ALDH2: variants seen among roughly 807,000 people sequenced by gnomAD.
The protein encoded by ALDH2 is aldehyde dehydrogenase 2 family member, also known as aldehyde dehydrogenase, mitochondrial.
In ALDH2, 44 loss-of-function variants were observed where a neutral mutation model predicts 59.6. That is an observed-to-expected ratio of 0.74 (90% CI 0.58 to 0.95). The LOEUF (loss-of-function observed/expected upper bound fraction) is 0.95, where lower values mean the gene tolerates loss of function less well. Ranked by LOEUF, ALDH2 falls within the 40% of genes least tolerant of loss-of-function variation. The pLI is 0.00. For missense variants in ALDH2, 570 were observed against 696.3 expected (o/e 0.82, Z 2.04); for synonymous variants, 291 against 284.0 (o/e 1.02, Z -0.25).
In ALDH2 at chr12:111,767,045, C is replaced by G; in HGVS notation, c.63C>G (p.Ala21=). 6.5e-7 allele frequency: 1 copy of G among 1,528,872 alleles called. No individual in the cohort carries two copies. The highest frequency in any genetic ancestry group is 8.7e-7 in the Non-Finnish European group (1 of 1,143,846). The allele number at this position is 1,528,872 out of a possible 1,614,324, so 94.7% of individuals were successfully genotyped here. A position where few individuals can be genotyped will look rare whatever the true frequency, so the allele number is the denominator to read the frequency against. Residue 21 remains alanine (A), a synonymous_variant, in exon 1 of 13, where the codon GCC becomes GCG. Coordinates refer to ENST00000261733, the MANE Select transcript of ALDH2 (RefSeq NM_000690.4). ...RLGRRLLSAA[A]TQAVPAPNQQ... is the part of the protein sequence containing the mutation. ...GCCGCCGCCTCTTGTCAGCCGCCGC[C>G]ACCCAGGCCGTGCCTGCCCCCAACC...
At chr12:111,786,200 G>A (rs1171784465) in intron 4 of ALDH2, among the ~76,000 whole-genome samples, 1 of 152,046 alleles carries the variant, frequency 6.6e-6, no homozygotes, top group East Asian at 1.9e-4. Context: ...CTTTGGGTTT[G>A]GTTTAATCAA....
intron 11 of ALDH2, among the ~76,000 whole-genome samples, chr12:111,800,281 G>A (rs764691327): frequency 4.6e-5 from 7 of 152,190 alleles, no homozygotes; most frequent in African/African-American, 1.2e-4. Flanking sequence ...GGCAGGCAGC[G>A]GAGTGGTGGG....
intron 9 of ALDH2, among the ~76,000 whole-genome samples, chr12:111,796,098 TA>T (rs1231233862): frequency 2.8e-3 from 385 of 137,620 alleles, no homozygotes; most frequent in Middle Eastern, 3.8e-3. Context: ...TCATCTCTAC[TA>T]AAAAAAAAAA....
rs2068372363 is a variant in ALDH2 at position 111,792,725 on chromosome 12, G to A, written c.1026G>A (p.Arg342=). 6.3e-7 allele frequency: 1 copy of A among 1,581,126 alleles called. No individual in the cohort carries two copies. Among genetic ancestry groups the A allele is most frequent in the Middle Eastern group, 1.7e-4 (1 of 6,046 alleles). Residue 342 remains arginine, a synonymous_variant, in exon 9 of 13, where the codon CGG becomes CGA. Transcript: ENST00000261733. ...AGTTTGTGGAGCGGAGCGTTGCCCG[G>A]GCCAAGTCTCGGGTGGTCGGGAACC... The part of the protein sequence containing the change: ...YDEFVERSVA[R]AKSRVVGNPF...
intron 4 of ALDH2, 141 bp downstream of exon 4, chr12:111,785,487 G>A: frequency 1.4e-6 from 1 of 709,456 alleles, no homozygotes; most frequent in Non-Finnish European, 2.4e-6. Context: ...ACTTTGGGAG[G>A]CTGAGCCAGG....
Position 111,781,911 on chromosome 12 carries a change from A to G in ALDH2, c.115-7A>G, listed in dbSNP as rs2068274799. 1 of 1,610,712 alleles carries G rather than the reference A, an allele frequency of 6.2e-7. No individual in the cohort carries two copies. The highest frequency in any genetic ancestry group is 8.5e-7 in the Non-Finnish European group (1 of 1,177,654). Reference sequence around the variant, plus strand: ...GGTCCTGAGAACTTCTTTCCTTCTCATTGTAGATTTTCATAAACAATGAAT... The same window carrying G: ...GGTCCTGAGAACTTCTTTCCTTCTCGTTGTAGATTTTCATAAACAATGAAT... On this transcript the variant is annotated splice_polypyrimidine_tract_variant and splice_region_variant and intron_variant, in intron 1 of 12. Transcript: ENST00000261733.
At chr12:111,792,415 C>T (rs76977743) in intron 8 of ALDH2, among the ~76,000 whole-genome samples, 183 bp from the exon 9 acceptor site, 2,361 of 152,382 alleles carry the variant, frequency 0.015, 71 homozygotes, top group African/African-American at 0.053. Flanking sequence ...GCCGCCATCA[C>T]GCCCTTTGTC....
At chr12:111,805,033 A>G (rs1214468566) in intron 12 of ALDH2, among the ~76,000 whole-genome samples, 1 of 152,184 alleles carries the variant, frequency 6.6e-6, no homozygotes, top group East Asian at 1.9e-4. Context: ...TGCCCAATAA[A>G]TTATGGAACA....
chr12:111,793,561 C>T (rs951088530), intron 9 of ALDH2, among the ~76,000 whole-genome samples: 1 of 151,488 alleles, frequency 6.6e-6, no homozygotes, highest in African/African-American at 2.4e-5. Context: ...TTATTATTCA[C>T]TTAGGTCTGT....
At chr12:111,799,044 T>C (rs2136023543) in intron 10 of ALDH2, among the ~76,000 whole-genome samples, 1 of 152,140 alleles carries the variant, frequency 6.6e-6, no homozygotes, top group South Asian at 2.1e-4. Flanking sequence ...TTTGTATTTT[T>C]AGTAAAGACA....
In ALDH2 at chr12:111,810,497, A is replaced by C. The variant is rs2136031005; in HGVS notation, c.*922A>C. The C allele has an allele frequency of 6.6e-6, 1 of 152,254 alleles. No homozygotes were observed. The highest frequency in any genetic ancestry group is 1.9e-4 in the East Asian group (1 of 5,180). 9.4% of individuals were successfully genotyped at this position (152,254 alleles called of 1,614,324 possible). On this transcript the variant is annotated 3_prime_UTR_variant, in exon 13 of 13. Transcript: ENST00000261733. ...TGCATTTAATTTGTTTCATGCATTT[A>C]ACTTCTGGCCTGTTTACCTGTAGCA...
chr12:111,809,285 C>G (rs1056907780), intron 12 of ALDH2, among the ~76,000 whole-genome samples: 1 of 151,962 alleles, frequency 6.6e-6, no homozygotes, highest in Non-Finnish European at 1.5e-5. Context: ...GACACCCCAT[C>G]TCTAATAAAA....
chr12:111,809,438 AAAAG>A, intron 12 of ALDH2, 101 bp from the exon 13 acceptor site: 1 of 1,326,242 alleles, frequency 7.5e-7, no homozygotes, highest in African/African-American at 1.5e-5. Flanking sequence ...TGGGGAGAAA[AAAAG>A]AAAAGCCCTT....
chr12:111,785,277 C>A lies in ALDH2; in HGVS notation c.371C>A (p.Thr124Asn). 6.2e-7 allele frequency: 1 copy of A among 1,613,942 alleles called. No homozygotes were observed. Among genetic ancestry groups the A allele is most frequent in the South Asian group, 1.1e-5 (1 of 91,086 alleles). Reference sequence around the variant, plus strand: ...TTGTTTTCTTCTCAGGCCTTGGAGACCCTGGACAATGGCAAGCCCTATGTC... The same window carrying A: ...TTGTTTTCTTCTCAGGCCTTGGAGAACCTGGACAATGGCAAGCCCTATGTC... ...RDRTYLAALE[T>N]LDNGKPYVIS... Residue 124 changes from threonine to asparagine, a missense_variant, in exon 4 of 13, where the codon ACC becomes AAC. Thr to Asn is a moderately conservative substitution (Grantham distance 65, BLOSUM62 0). Coordinates refer to ENST00000261733, the MANE Select transcript of ALDH2 (RefSeq NM_000690.4).
intron 8 of ALDH2, 80 bp downstream of exon 8, chr12:111,792,243 C>T (rs1480830527): frequency 1.8e-6 from 2 of 1,086,078 alleles, no homozygotes; most frequent in Non-Finnish European, 1.4e-6. Context: ...ATCCTGTCGC[C>T]CCCCCAGTGC....
At chr12:111,770,722 C>G (rs182234983) in intron 1 of ALDH2, among the ~76,000 whole-genome samples, 2,372 of 152,118 alleles carry the variant, frequency 0.016, 71 homozygotes, top group African/African-American at 0.054. Context: ...TTGGCTCACT[C>G]TAACCTCCAC....
At chr12:111,779,040 G>A (rs1024211143) in intron 1 of ALDH2, among the ~76,000 whole-genome samples, 2 of 151,906 alleles carry the variant, frequency 1.3e-5, no homozygotes, top group African/African-American at 2.4e-5. Flanking sequence ...ACTTTTTGTG[G>A]AGAGAGGGTC....
At chr12:111,796,098 T>TA (rs1231233862) in intron 9 of ALDH2, among the ~76,000 whole-genome samples, 118 of 137,958 alleles carry the variant, frequency 8.6e-4, no homozygotes, top group East Asian at 1.7e-3. Context: ...TCATCTCTAC[T>TA]AAAAAAAAAA....
intron 12 of ALDH2, among the ~76,000 whole-genome samples, chr12:111,807,314 G>A (rs2068504156): frequency 1.3e-5 from 2 of 151,666 alleles, no homozygotes; most frequent in South Asian, 4.1e-4. Flanking sequence ...ATGAGCCTCT[G>A]TATCCCCACC....
Sources: gnomAD v4.1 joint callset for allele counts (sites outside exome capture counted in the v4.1 genomes callset) on GRCh38, gnomAD v4.1.1 for gene constraint, MANE v1.5 for transcripts, NCBI Gene and HGNC (gene_info 2026-07-23, HGNC 2026-07-21) for gene names.